The following MEOX1 variants were observed in gnomAD, a reference collection of about 807,000 sequenced individuals.
MEOX1 encodes homeobox protein MOX-1.
In MEOX1, 17 loss-of-function variants were observed where a neutral mutation model predicts 23.2. That is an observed-to-expected ratio of 0.73 (90% CI 0.50 to 1.10). MEOX1 has a LOEUF of 1.10. Ranked by LOEUF, MEOX1 falls within the 50% of genes least tolerant of loss-of-function variation. MEOX1 has a pLI of 0.00. For missense variants in MEOX1, 333 were observed against 332.2 expected (o/e 1.00, Z -0.02); for synonymous variants, 134 against 135.1 (o/e 0.99, Z 0.06).
intron 1 of MEOX1, among the ~76,000 whole-genome samples, chr17:43,646,758 C>T (rs1277589264): frequency 2.0e-5 from 3 of 152,156 alleles, no homozygotes; most frequent in Non-Finnish European, 4.4e-5. Context: ...GGCGGATCAC[C>T]TGAGATCGGG....
chr17:43,658,502 ATCTC>A (rs1229505668), intron 1 of MEOX1, among the ~76,000 whole-genome samples: 3 of 120,082 alleles, frequency 2.5e-5, no homozygotes, highest in African/African-American at 5.3e-5. Context: ...GTGAGACTCC[ATCTC>A]AAAAAAAAAA....
chr17:43,656,703 C>T (rs1037058477), intron 1 of MEOX1, among the ~76,000 whole-genome samples: 9 of 152,180 alleles, frequency 5.9e-5, no homozygotes, highest in African/African-American at 1.2e-4. Context: ...ATCGGATTCA[C>T]CTGTAGCCAC....
chr17:43,650,044 C>T (rs1430662897), intron 1 of MEOX1, among the ~76,000 whole-genome samples: 1 of 152,174 alleles, frequency 6.6e-6, no homozygotes, highest in Non-Finnish European at 1.5e-5. Context: ...TTCTGGAGTT[C>T]TGTACTCTAC....
chr17:43,655,167 G>A (rs1317922924), intron 1 of MEOX1, among the ~76,000 whole-genome samples: 1 of 151,908 alleles, frequency 6.6e-6, no homozygotes, highest in East Asian at 2.0e-4. Flanking sequence ...TTCATCAACA[G>A]ATGAATGGAT....
intron 1 of MEOX1, among the ~76,000 whole-genome samples, chr17:43,651,333 G>A (rs1485764693): frequency 1.3e-5 from 2 of 152,118 alleles, no homozygotes; most frequent in Non-Finnish European, 2.9e-5. Context: ...AAAAAAGTCT[G>A]GTGCTATAGT....
Position 43,661,327 on chromosome 17 carries a change from T to C in MEOX1, c.208A>G (p.Thr70Ala). The C allele has an allele frequency of 1.3e-6, 2 of 1,595,058 alleles. No individual in the cohort carries two copies. The highest frequency in any genetic ancestry group is 1.7e-5 in the Admixed American group (1 of 59,240). ...TCCTCCTGGGGCAGGCTGTGTGGGG[T>C]GGCTGCCAGGCAGGAGGCTGAGAAG... ...PDFSASCLAATPHSLPQEEHI... is the reference protein window; with the variant it reads ...PDFSASCLAAAPHSLPQEEHI... The change falls in exon 1 of 3, where the codon ACC becomes GCC. Residue 70 changes from threonine (T) to alanine (A), a missense_variant. Transcript: ENST00000318579.
At chr17:43,650,816 G>A (rs960461950) in intron 1 of MEOX1, among the ~76,000 whole-genome samples, 2 of 152,168 alleles carry the variant, frequency 1.3e-5, no homozygotes, top group Admixed American at 6.5e-5. Flanking sequence ...GAGCCAGCCC[G>A]AGACTGGTTG....
At chr17:43,660,372 C>A (rs949444009) in intron 1 of MEOX1, among the ~76,000 whole-genome samples, 1 of 152,254 alleles carries the variant, frequency 6.6e-6, no homozygotes, top group Admixed American at 6.5e-5. Flanking sequence ...CTTGCAGCTC[C>A]TTGCGGGGCT....
chr17:43,645,431 C>T (rs1293866377), intron 1 of MEOX1, among the ~76,000 whole-genome samples: 2 of 152,154 alleles, frequency 1.3e-5, no homozygotes, highest in African/African-American at 2.4e-5. Context: ...CCCGCCTTGG[C>T]CTCCCAAAGT....
At chr17:43,655,425 C>T (rs540036749) in intron 1 of MEOX1, among the ~76,000 whole-genome samples, 8 of 151,016 alleles carry the variant, frequency 5.3e-5, no homozygotes, top group Admixed American at 2.6e-4. Flanking sequence ...GAGCCGAGAT[C>T]GCGCCACTGC....
intron 1 of MEOX1, among the ~76,000 whole-genome samples, chr17:43,653,155 T>TG (rs1488835773): frequency 6.7e-6 from 1 of 150,130 alleles, no homozygotes. Flanking sequence ...TTTTTTTTTT[T>TG]TTGAGACGGA....
intron 1 of MEOX1, among the ~76,000 whole-genome samples, chr17:43,647,437 C>T (rs1362261780): frequency 2.0e-5 from 3 of 152,126 alleles, no homozygotes; most frequent in Non-Finnish European, 4.4e-5. Flanking sequence ...TGCCTGACAG[C>T]TTTTAGGTGA....
chr17:43,649,474 T>C (rs1191072364), intron 1 of MEOX1, among the ~76,000 whole-genome samples: 1 of 151,998 alleles, frequency 6.6e-6, no homozygotes, highest in African/African-American at 2.4e-5. Context: ...ACTAGGCTAA[T>C]TTTTGTATTT....
At chr17:43,655,223 A>G (rs1409049472) in intron 1 of MEOX1, among the ~76,000 whole-genome samples, 1 of 152,218 alleles carries the variant, frequency 6.6e-6, no homozygotes, top group Non-Finnish European at 1.5e-5. Flanking sequence ...CTGTAGTCCC[A>G]GCACTTTGGG....
intron 1 of MEOX1, among the ~76,000 whole-genome samples, chr17:43,658,490 G>A (rs548542361): frequency 7.0e-6 from 1 of 142,910 alleles, no homozygotes; most frequent in East Asian, 2.1e-4. Flanking sequence ...ATGGGCGTTA[G>A]AGTGAGACTC....
intron 1 of MEOX1, among the ~76,000 whole-genome samples, chr17:43,645,894 C>G (rs909009695): frequency 1.3e-5 from 2 of 152,266 alleles, no homozygotes; most frequent in African/African-American, 4.8e-5. Flanking sequence ...CTGGGCGACT[C>G]TCTAGCAGGA....
chr17:43,643,504 T>G lies in MEOX1; in HGVS notation c.626A>C (p.Asp209Ala). 6.3e-7 allele frequency: 1 copy of G among 1,596,278 alleles called. No homozygotes were observed. Among genetic ancestry groups the G allele is most frequent in the Non-Finnish European group, 8.5e-7 (1 of 1,171,578 alleles). Residue 209 changes from aspartate (D) to alanine (A), a missense_variant, in exon 2 of 3, where the codon GAC becomes GCC. Asp to Ala is a moderately radical substitution (Grantham distance 126, BLOSUM62 -2). Coordinates refer to ENST00000318579, the MANE Select transcript of MEOX1 (RefSeq NM_004527.4). ...LRRYEIAVNL[D>A]LSERQVKVWF... ...GGGGCGCACCTGGCGCTCAGAGAGG[T>G]CCAGGTTTACCGCAATCTCATATCT...
Position 43,641,577 on chromosome 17 carries a change from C to A in MEOX1, c.*333G>T, listed in dbSNP as rs988708807. 1 of 204,156 alleles carries A rather than the reference C, an allele frequency of 4.9e-6. No individual in the cohort carries two copies. The highest frequency in any genetic ancestry group is 9.9e-6 in the Non-Finnish European group (1 of 100,914). The allele number at this position is 204,156 out of a possible 1,614,324, so 12.6% of individuals were successfully genotyped here. On this transcript the variant is annotated 3_prime_UTR_variant, in exon 3 of 3. Transcript: ENST00000318579. ...AGGCCTGGCTGACCTAGGAGAACAG[C>A]GGTAGGAGGAGGCATGGGTGGCAGC... is the stretch of plus-strand genomic sequence containing the variant.
In MEOX1 at chr17:43,649,400, G is replaced by A. The variant is rs377260490; in HGVS notation, c.470-5740C>T. On this transcript the variant is annotated intron_variant, in intron 1 of 2. Coordinates refer to ENST00000318579, the MANE Select transcript of MEOX1 (RefSeq NM_004527.4). ...CGGCTCACCGCAACCTCTGCCTCCT[G>A]GGTTCAAGCGATTCTCCTGCCTCAG... Among the ~76,000 whole-genome samples, 17 of 148,672 alleles carry A rather than the reference G, an allele frequency of 1.1e-4. No individual in the cohort carries two copies. In the East Asian group the frequency reaches 2.2e-3, roughly 19 times the overall value.
Sources: allele counts gnomAD v4.1 joint callset (sites outside exome capture counted in the v4.1 genomes callset), GRCh38; gene constraint gnomAD v4.1.1; transcripts MANE v1.5; gene names NCBI Gene and HGNC (gene_info 2026-07-23, HGNC 2026-07-21).